The following P2RX7 variants were observed in gnomAD, a reference collection of about 807,000 sequenced individuals.
The protein encoded by P2RX7 is purinergic receptor P2X 7, also known as P2X purinoceptor 7.
Under a neutral mutation model 71.6 loss-of-function variants are expected in P2RX7, and 62 were observed. The ratio of observed to expected loss-of-function variants is 0.87; its 90% CI spans 0.71 to 1.07. The LOEUF is 1.07. Ranked by LOEUF, P2RX7 falls within the 50% of genes least tolerant of loss-of-function variation. The probability of loss-of-function intolerance (pLI) is 0.00; values close to 1 mark genes in which losing one functional copy is unlikely to be tolerated. For missense variants in P2RX7, 686 were observed against 748.5 expected (o/e 0.92, Z 0.97); for synonymous variants, 299 against 283.3 (o/e 1.06, Z -0.56).
At chr12:121,181,550 T>C (rs902146371) in intron 12 of P2RX7, among the ~76,000 whole-genome samples, 20 of 152,134 alleles carry the variant, frequency 1.3e-4, no homozygotes, top group Non-Finnish European at 2.9e-4. Flanking sequence ...TACCACAAAC[T>C]AAGTGGCTTA....
chr12:121,178,047 C>G (rs1160443878), intron 11 of P2RX7, among the ~76,000 whole-genome samples: 1 of 150,902 alleles, frequency 6.6e-6, no homozygotes, highest in Non-Finnish European at 1.5e-5. Flanking sequence ...TTGGTATAGC[C>G]AAAAAAGAAA....
chr12:121,184,798 A>C lies in P2RX7; in HGVS notation c.1784A>C (p.Tyr595Ser), dbSNP rs1565983682. 6.5e-7 allele frequency: 1 copy of C among 1,536,352 alleles called. No homozygotes were observed. The highest frequency in any genetic ancestry group is 8.8e-7 in the Non-Finnish European group (1 of 1,136,358). Residue 595 changes from tyrosine (Y) to serine (S), a missense_variant, in exon 13 of 13, where the codon TAC becomes TCC. Transcript: ENST00000328963. ...CAGTACAGTGGCTTCAAGAGTCCTT[A>C]CTGAAGCCAGGCACCGTGGCTCACG... Reference protein sequence around the residue: ...EGQYSGFKSPY With the variant: ...EGQYSGFKSPS
intron 3 of P2RX7, among the ~76,000 whole-genome samples, chr12:121,158,107 C>A (rs1878956421): frequency 6.6e-6 from 1 of 152,090 alleles, no homozygotes; most frequent in East Asian, 1.9e-4. Context: ...CATCAACACC[C>A]CTCTATCTCG....
intron 1 of P2RX7, among the ~76,000 whole-genome samples, chr12:121,150,179 C>T (rs1286712185): frequency 1.3e-5 from 2 of 152,170 alleles, no homozygotes; most frequent in Admixed American, 6.5e-5. Flanking sequence ...GTATCCCCCC[C>T]GACAGGTAAA....
intron 11 of P2RX7, 68 bp from the exon 12 acceptor site, chr12:121,180,285 GC>G (rs1883912883): frequency 1.3e-6 from 1 of 791,410 alleles, no homozygotes; most frequent in South Asian, 1.9e-5. Context: ...AATTACAGTT[GC>G]CTTTAGATAG....
chr12:121,149,185 A>G lies in P2RX7; in HGVS notation c.126-5600A>G. The G allele has an allele frequency of 2.5e-6, 1 of 403,534 alleles. No individual in the cohort carries two copies. The highest frequency in any genetic ancestry group is 1.9e-5 in the South Asian group (1 of 51,560). The allele number at this position is 403,534 out of a possible 1,614,324, so 25.0% of individuals were successfully genotyped here. A position where few individuals can be genotyped will look rare whatever the true frequency, so the allele number is the denominator to read the frequency against. ...TCTGAAGAACGACTTTATGGTGGGC[A>G]CCTTCATCTCCATCTGGTGGGTCCA... On this transcript the variant is annotated intron_variant, in intron 1 of 12. Coordinates refer to ENST00000328963, the MANE Select transcript of P2RX7 (RefSeq NM_002562.6). This position sits in a 1 kb window ranked among gnomAD's most constrained non-coding sequence, Gnocchi z 4.7.
Position 121,162,324 on chromosome 12 carries a change from T to C in P2RX7, c.437-100T>C, listed in dbSNP as rs1249354389. 2.0e-6 allele frequency: 3 copies of C among 1,514,832 alleles called. No individual in the cohort carries two copies. In the African/African-American group the frequency reaches 4.1e-5, roughly 21 times the overall value. 93.8% of individuals were successfully genotyped at this position (1,514,832 alleles called of 1,614,324 possible). On this transcript the variant is annotated intron_variant, in intron 4 of 12. Transcript: ENST00000328963. Reference sequence around the variant, plus strand: ...TGGGTTGGAAAGCCTGGTCAAAGCCTAGTCTCTCGCCCGGGTTGAGTTAAT... The same window carrying C: ...TGGGTTGGAAAGCCTGGTCAAAGCCCAGTCTCTCGCCCGGGTTGAGTTAAT...
chr12:121,177,255 GA>G, intron 10 of P2RX7, 41 bp from the exon 11 acceptor site: 1 of 1,614,150 alleles, frequency 6.2e-7, no homozygotes, highest in Middle Eastern at 1.7e-4. Flanking sequence ...ATGGTTTGGA[GA>G]AGGAAGTGAC....
At chr12:121,163,567 TA>T (rs2136080184) in intron 5 of P2RX7, among the ~76,000 whole-genome samples, 1 of 104,020 alleles carries the variant, frequency 9.6e-6, no homozygotes, top group East Asian at 3.0e-4. Context: ...GATAGATAGA[TA>T]GATAAATAGA....
chr12:121,154,419 C>G lies in P2RX7; in HGVS notation c.126-366C>G, dbSNP rs1281932264. On this transcript the variant is annotated intron_variant, in intron 1 of 12. Coordinates refer to ENST00000328963, the MANE Select transcript of P2RX7 (RefSeq NM_002562.6). The surrounding 1 kb of genome is among the most constrained non-coding windows in gnomAD (Gnocchi z 4.2). ...AAGGTGCTGATGTGTTACTGAGCCT[C>G]CAGACAAAGCTGGCGAACCCACCGG... Among the ~76,000 whole-genome samples, 1 of 152,094 alleles carries G rather than the reference C, an allele frequency of 6.6e-6. No individual in the cohort carries two copies. The highest frequency in any genetic ancestry group is 1.5e-5 in the Non-Finnish European group (1 of 68,020).
chr12:121,148,630 TAA>T (rs1876750098), intron 1 of P2RX7, among the ~76,000 whole-genome samples: 1 of 152,220 alleles, frequency 6.6e-6, no homozygotes, highest in Admixed American at 6.5e-5. Context: ...TGAAAGCCAC[TAA>T]GTTTGTGGTA....
intron 5 of P2RX7, among the ~76,000 whole-genome samples, chr12:121,163,914 C>G (rs1028394586): frequency 6.6e-6 from 1 of 152,116 alleles, no homozygotes; most frequent in South Asian, 2.1e-4. Flanking sequence ...AAGGCTCAGG[C>G]GAAGGTTTCC....
chr12:121,158,388 A>C (rs208292), intron 3 of P2RX7, among the ~76,000 whole-genome samples: 1 of 152,060 alleles, frequency 6.6e-6, no homozygotes, highest in African/African-American at 2.4e-5. Flanking sequence ...ATAGCTAGAC[A>C]TCTCTTCCTC....
intron 7 of P2RX7, among the ~76,000 whole-genome samples, chr12:121,166,867 G>A (rs1204102011): frequency 6.8e-6 from 1 of 146,348 alleles, no homozygotes; most frequent in Non-Finnish European, 1.5e-5. Context: ...CATGGTGAAA[G>A]CCCATCTTTA....
chr12:121,180,489 T>A (rs201655975), intron 12 of P2RX7, 34 bp downstream of exon 12: 12 of 1,013,738 alleles, frequency 1.2e-5, no homozygotes, highest in Non-Finnish European at 1.6e-5. Context: ...TTTTTTTTTT[T>A]AAGAAAATTT....
chr12:121,139,733 C>CTTTTTTTTTTT (rs10696338), intron 1 of P2RX7, among the ~76,000 whole-genome samples: 47 of 126,730 alleles, frequency 3.7e-4, no homozygotes, highest in African/African-American at 1.4e-3. Flanking sequence ...CCCTGACCAT[C>CTTTTTTTTTTT]TTTTTTTTTT....
chr12:121,183,205 C>T (rs989407151), intron 12 of P2RX7, among the ~76,000 whole-genome samples: 1 of 150,316 alleles, frequency 6.7e-6, no homozygotes, highest in Admixed American at 6.7e-5. Context: ...TCTCTATATC[C>T]TTATTCTATA....
At chr12:121,155,220 C>T in intron 2 of P2RX7, 1 of 1,411,592 alleles carries the variant, frequency 7.1e-7, no homozygotes, top group East Asian at 3.5e-5. Flanking sequence ...TTCACTCGCG[C>T]TTGATTTACC....
At chr12:121,134,452 C>T (rs1020360933) in intron 1 of P2RX7, among the ~76,000 whole-genome samples, 3 of 152,090 alleles carry the variant, frequency 2.0e-5, no homozygotes, top group African/African-American at 7.2e-5. Context: ...AGTGCAGTGG[C>T]GCAATCTTGG....
Sources: gnomAD v4.1 joint callset for allele counts (sites outside exome capture counted in the v4.1 genomes callset) on GRCh38, gnomAD v4.1.1 for gene constraint, Gnocchi (gnomAD v3.1) non-coding constraint, MANE v1.5 for transcripts, NCBI Gene and HGNC (gene_info 2026-07-23, HGNC 2026-07-21) for gene names.